The following LRRC75A variants were observed in gnomAD, a reference collection of about 807,000 sequenced individuals.
LRRC75A encodes the protein leucine-rich repeat-containing protein 75A.
A neutral mutation model predicts 26.0 loss-of-function variants in LRRC75A; 12 were observed. That is an observed-to-expected ratio of 0.46 (90% CI 0.30 to 0.75). LRRC75A has a LOEUF of 0.75. LRRC75A is among the 30% of genes least tolerant of loss of function. The pLI is 0.08. For synonymous variants in LRRC75A, 223 were observed against 219.3 expected (o/e 1.02, Z -0.15); for missense variants, 410 against 486.6 (o/e 0.84, Z 1.48).
intron 3 of LRRC75A, 85 bp from the exon 4 acceptor site, chr17:16,444,216 C>A: frequency 8.6e-7 from 1 of 1,156,268 alleles, no homozygotes. Flanking sequence ...CTGCTCGGCT[C>A]TCCGACGCTA....
At chr17:16,477,825 A>G (rs1380198003) in intron 1 of LRRC75A, among the ~76,000 whole-genome samples, 2 of 150,034 alleles carry the variant, frequency 1.3e-5, no homozygotes, top group African/African-American at 4.9e-5. Flanking sequence ...AGAAGAGGGC[A>G]TGGGGTGGGG....
chr17:16,446,075 A>AT (rs999356738), intron 3 of LRRC75A, among the ~76,000 whole-genome samples: 6 of 152,222 alleles, frequency 3.9e-5, no homozygotes, highest in Non-Finnish European at 5.9e-5. Context: ...TGCCCAGCTA[A>AT]TTTTTTTATT....
intron 1 of LRRC75A, among the ~76,000 whole-genome samples, chr17:16,478,088 C>G (rs1414749898): frequency 6.6e-6 from 1 of 151,342 alleles, no homozygotes; most frequent in Non-Finnish European, 1.5e-5. Flanking sequence ...TCCCTCAGAG[C>G]ATGGCCCAGG....
At chr17:16,444,220 G>A (rs192150873) in intron 3 of LRRC75A, 89 bp from the exon 4 acceptor site, 762 of 1,082,020 alleles carry the variant, frequency 7.0e-4, no homozygotes, top group Non-Finnish European at 8.9e-4. Flanking sequence ...TCGGCTCTCC[G>A]ACGCTAGGGA....
chr17:16,473,641 C>T (rs1413589485), intron 1 of LRRC75A, among the ~76,000 whole-genome samples: 1 of 152,224 alleles, frequency 6.6e-6, no homozygotes, highest in Non-Finnish European at 1.5e-5. Flanking sequence ...TTGGCACCCA[C>T]TCCCCGCTCC....
intron 2 of LRRC75A, among the ~76,000 whole-genome samples, chr17:16,459,846 C>T (rs1258300284): frequency 2.0e-5 from 3 of 152,206 alleles, no homozygotes; most frequent in Non-Finnish European, 4.4e-5. Context: ...TCGCTTGCCA[C>T]ATGGGCACGA....
intron 1 of LRRC75A, among the ~76,000 whole-genome samples, chr17:16,473,463 G>A (rs1012452021): frequency 3.3e-5 from 5 of 152,150 alleles, no homozygotes; most frequent in African/African-American, 1.2e-4. Flanking sequence ...AGTCTTGGGG[G>A]TTGCCTCTCG....
At chr17:16,465,628 T>A (rs557416442) in intron 1 of LRRC75A, among the ~76,000 whole-genome samples, 82 of 152,290 alleles carry the variant, frequency 5.4e-4, no homozygotes, top group Non-Finnish European at 1.1e-3. Flanking sequence ...CTGGACCCCC[T>A]ACATCTCCAA....
At chr17:16,445,297 C>G (rs536588913) in intron 3 of LRRC75A, among the ~76,000 whole-genome samples, 5 of 150,726 alleles carry the variant, frequency 3.3e-5, no homozygotes, top group Admixed American at 6.7e-5. Context: ...TCCCGAGTAG[C>G]TGGGACTACA....
rs1245718644 is a variant in LRRC75A, at chr17:16,444,585, C to A, written c.492-454G>T. Among the ~76,000 whole-genome samples the A allele has an allele frequency of 2.0e-5, 3 of 152,210 alleles. No homozygotes were observed. In the South Asian group the frequency reaches 6.2e-4, roughly 32 times the overall value. On this transcript the variant is annotated intron_variant, in intron 3 of 3. Transcript: ENST00000470794. The stretch of plus-strand genomic sequence containing the variant: ...GATCTCTGAGTCCCCTCTTTCAAGA[C>A]CATCTTCCCCACCAGAGAAGGATTC...
intron 1 of LRRC75A, among the ~76,000 whole-genome samples, chr17:16,485,635 TG>T (rs1479170876): frequency 7.7e-5 from 9 of 117,168 alleles, no homozygotes; most frequent in African/African-American, 3.6e-4. Context: ...ACAAGCAGTG[TG>T]TGTGTGTGTG....
intron 1 of LRRC75A, among the ~76,000 whole-genome samples, chr17:16,488,986 G>C (rs2093852191): frequency 6.6e-6 from 1 of 152,164 alleles, no homozygotes; most frequent in African/African-American, 2.4e-5. Flanking sequence ...GAGAAGGGTG[G>C]TATTGGACTG....
At position 16,441,615 on chromosome 17, in the gene LRRC75A, C is replaced by T. The variant is rs1158112040; in HGVS notation, c.*1973G>A. 2.9e-6 allele frequency: 1 copy of T among 350,512 alleles called. No individual in the cohort carries two copies. The highest frequency in any genetic ancestry group is 5.6e-6 in the Non-Finnish European group (1 of 179,138). The allele number at this position is 350,512 out of a possible 1,614,324, so 21.7% of individuals were successfully genotyped here. A position where few individuals can be genotyped will look rare whatever the true frequency, so the allele number is the denominator to read the frequency against. ...TTTTGAGACAGTCTTGCTGTATTGC[C>T]CAGGCTGGAGTGTGGTGGCACAATC... On this transcript the variant is annotated 3_prime_UTR_variant, in exon 4 of 4. Transcript: ENST00000470794.
chr17:16,447,950 G>T lies in LRRC75A; in HGVS notation c.386C>A (p.Ala129Glu). The change falls in exon 3 of 4, where the codon GCA becomes GAA. Residue 129 changes from alanine (A) to glutamate (E), a missense_variant. By Grantham distance (107) the Ala-to-Glu change is moderately radical (BLOSUM62 -1). Coordinates refer to ENST00000470794, the MANE Select transcript of LRRC75A (RefSeq NM_001113567.3). ...GCACAGCTTCTCCATGGCGCCCAGT[G>T]CATCGCCTTCCTGCAGAGGCAACCA... Reference protein sequence around the residue: ...YIHCPKPEGDALGAMEKLCRQ... With the variant: ...YIHCPKPEGDELGAMEKLCRQ... 6.4e-7 allele frequency: 1 copy of T among 1,550,978 alleles called. No individual in the cohort carries two copies. Among genetic ancestry groups the T allele is most frequent in the Non-Finnish European group, 8.7e-7 (1 of 1,146,884 alleles).
intron 1 of LRRC75A, among the ~76,000 whole-genome samples, chr17:16,466,319 C>T (rs2093768601): frequency 6.6e-6 from 1 of 152,196 alleles, no homozygotes; most frequent in East Asian, 1.9e-4. Context: ...GACTCGGCAC[C>T]CATGGCCTGC....
chr17:16,460,522 T>C (rs1601144825), intron 2 of LRRC75A, among the ~76,000 whole-genome samples: 1 of 151,968 alleles, frequency 6.6e-6, no homozygotes, highest in East Asian at 1.9e-4. Flanking sequence ...GAGGGGCAGG[T>C]TGGGGAGGGA....
rs531164767 is a variant in LRRC75A at position 16,460,240 on chromosome 17, T to G, written c.375+2018A>C. ...TTCCAGCCTTCAGAAGTGTGAGAGA[T>G]AAATTTCTACTGTTTGTAAGCCACC... On this transcript the variant is annotated intron_variant, in intron 2 of 3. Transcript: ENST00000470794. Among the ~76,000 whole-genome samples the G allele has an allele frequency of 1.7e-4, 26 of 152,320 alleles. 1 individual carries two copies. In the South Asian group the frequency reaches 4.1e-3, roughly 24 times the overall value.
intron 3 of LRRC75A, among the ~76,000 whole-genome samples, chr17:16,445,266 A>G (rs1025933175): frequency 6.8e-6 from 1 of 147,398 alleles, no homozygotes; most frequent in African/African-American, 2.5e-5. Flanking sequence ...CCTGGGTTCA[A>G]GCGATTCTCC....
chr17:16,486,050 G>C (rs903930960), intron 1 of LRRC75A, among the ~76,000 whole-genome samples: 5 of 152,216 alleles, frequency 3.3e-5, no homozygotes, highest in Non-Finnish European at 5.9e-5. Flanking sequence ...GCCAGGGACA[G>C]AGGCTGGAGG....
Sources: allele counts gnomAD v4.1 joint callset (sites outside exome capture counted in the v4.1 genomes callset), GRCh38; gene constraint gnomAD v4.1.1; transcripts MANE v1.5; gene names NCBI Gene and HGNC (gene_info 2026-07-23, HGNC 2026-07-21).